PRKACB: variants seen among roughly 807,000 people sequenced by gnomAD.
PRKACB encodes protein kinase cAMP-activated catalytic subunit beta, also known as cAMP-dependent protein kinase catalytic subunit beta.
PRKACB carries 16 observed loss-of-function variants against 51.4 expected under a neutral mutation model. The observed-to-expected ratio is 0.31, with a 90% CI of 0.21 to 0.47. PRKACB has a LOEUF of 0.47. Among genes scored for constraint, PRKACB ranks in the 20% least tolerant of loss-of-function variants. The pLI, the probability that PRKACB is intolerant of heterozygous loss-of-function variation, is 1.00. For missense variants in PRKACB, 309 were observed against 464.5 expected (o/e 0.67, Z 3.08); for synonymous variants, 147 against 154.4 (o/e 0.95, Z 0.35).
At chr1:84,219,490 C>T (rs551028381) in intron 9 of PRKACB, among the ~76,000 whole-genome samples, 30 of 152,014 alleles carry the variant, frequency 2.0e-4, no homozygotes, top group African/African-American at 6.3e-4. Context: ...GGATTACAGG[C>T]GTGAGCCACC....
chr1:84,103,664 C>T (rs1460423859), intron 1 of PRKACB, among the ~76,000 whole-genome samples: 1 of 152,140 alleles, frequency 6.6e-6, no homozygotes, highest in African/African-American at 2.4e-5. Flanking sequence ...ATGAACAGTT[C>T]CTACTGTGTG....
At chr1:84,214,492 A>ATTTT (rs200259148) in intron 9 of PRKACB, among the ~76,000 whole-genome samples, 175 bp downstream of exon 9, 27 of 136,748 alleles carry the variant, frequency 2.0e-4, no homozygotes, top group African/African-American at 6.4e-4. Context: ...TCCCCCTAGA[A>ATTTT]TTTTTTTTTT....
chr1:84,155,452 C>T (rs975170047), intron 1 of PRKACB, among the ~76,000 whole-genome samples: 3 of 152,100 alleles, frequency 2.0e-5, no homozygotes, highest in African/African-American at 7.2e-5. Context: ...CCAAAGCGAT[C>T]TACAGATTAA....
At chr1:84,182,760 A>G (rs988240696) in intron 3 of PRKACB, among the ~76,000 whole-genome samples, 1 of 140,926 alleles carries the variant, frequency 7.1e-6, no homozygotes, top group Non-Finnish European at 1.6e-5. Flanking sequence ...GTCATTTTAT[A>G]TAAGGGACTT....
chr1:84,187,232 G>C (rs1665397952), intron 5 of PRKACB, among the ~76,000 whole-genome samples: 1 of 152,084 alleles, frequency 6.6e-6, no homozygotes. Flanking sequence ...TATTGTCGAT[G>C]TTGTGACTAG....
At chr1:84,134,603 T>C (rs1391538784) in intron 1 of PRKACB, among the ~76,000 whole-genome samples, 1 of 147,986 alleles carries the variant, frequency 6.8e-6, no homozygotes, top group Non-Finnish European at 1.5e-5. Context: ...ATAAGTGAAA[T>C]GTTAAGAGAT....
upstream of PRKACB, among the ~76,000 whole-genome samples, chr1:84,139,720 A>G (rs1489827021): frequency 2.0e-5 from 3 of 152,216 alleles, no homozygotes; most frequent in Non-Finnish European, 2.9e-5. Flanking sequence ...CTTAAAATTT[A>G]TATGGAAAGG....
chr1:84,079,177 G>C (rs1647329653), intron 1 of PRKACB, among the ~76,000 whole-genome samples: 2 of 151,958 alleles, frequency 1.3e-5, no homozygotes, highest in Non-Finnish European at 1.5e-5. Context: ...GTGTGTGCAT[G>C]TATACACATG....
chr1:84,163,039 A>G (rs575481340), intron 1 of PRKACB, among the ~76,000 whole-genome samples: 2 of 148,434 alleles, frequency 1.3e-5, no homozygotes, highest in East Asian at 3.9e-4. Flanking sequence ...TTCTTATTCT[A>G]ATTTTTATTT....
At chr1:84,180,123 T>G (rs977057612) in intron 2 of PRKACB, among the ~76,000 whole-genome samples, 7 of 133,506 alleles carry the variant, frequency 5.2e-5, no homozygotes, top group African/African-American at 1.9e-4. Flanking sequence ...CAATTCACAA[T>G]TGCAAAATAG....
chr1:84,192,987 T>TA (rs1454939698), intron 5 of PRKACB, among the ~76,000 whole-genome samples: 2 of 152,088 alleles, frequency 1.3e-5, no homozygotes, highest in South Asian at 2.1e-4. Context: ...AGTATGTCCT[T>TA]ACCAGGAAGA....
chr1:84,234,869 C>G (rs988983945), intron 9 of PRKACB, among the ~76,000 whole-genome samples: 1 of 152,156 alleles, frequency 6.6e-6, no homozygotes, highest in African/African-American at 2.4e-5. Flanking sequence ...AGAAATCACC[C>G]GTCTTCTGTG....
chr1:84,117,731 T>G (rs1271012673), intron 1 of PRKACB, among the ~76,000 whole-genome samples: 1 of 152,216 alleles, frequency 6.6e-6, no homozygotes, highest in African/African-American at 2.4e-5. Flanking sequence ...TGTTTGTCTT[T>G]TCAAAGAACT....
At chr1:84,140,519 C>T (rs1653299065), upstream of PRKACB, among the ~76,000 whole-genome samples, 1 of 152,190 alleles carries the variant, frequency 6.6e-6, no homozygotes, top group Admixed American at 6.5e-5. Context: ...GGAGCACATA[C>T]ATCATTTACA....
intron 1 of PRKACB, among the ~76,000 whole-genome samples, chr1:84,146,502 G>C (rs978005559): frequency 6.6e-6 from 1 of 151,868 alleles, no homozygotes; most frequent in African/African-American, 2.4e-5. Context: ...TTATTTATTT[G>C]GCGAATGAGT....
chr1:84,178,990 A>C, intron 1 of PRKACB, 187 bp from the exon 2 acceptor site: 2 of 534,602 alleles, frequency 3.7e-6, no homozygotes, highest in Non-Finnish European at 5.8e-6. Context: ...AGAGAATCTT[A>C]GAGATTTGAG....
At chr1:84,194,076 A>G (rs1457677071) in intron 5 of PRKACB, among the ~76,000 whole-genome samples, 2 of 152,164 alleles carry the variant, frequency 1.3e-5, no homozygotes, top group Non-Finnish European at 2.9e-5. Flanking sequence ...GCTTCTGCTT[A>G]TCTTTGAGAA....
At chr1:84,193,994 G>A (rs928063764) in intron 5 of PRKACB, among the ~76,000 whole-genome samples, 3 of 152,124 alleles carry the variant, frequency 2.0e-5, no homozygotes, top group African/African-American at 7.2e-5. Flanking sequence ...CCTAAGCCAA[G>A]ATTCATTTAT....
chr1:84,078,225 C>T (rs1299707832), exon 1 of PRKACB: 1 of 1,373,694 alleles, frequency 7.3e-7, no homozygotes, highest in East Asian at 2.5e-5. Flanking sequence ...ACTCACCGCT[C>T]TGACGGGTGC....
Sources: gnomAD v4.1 joint callset for allele counts (sites outside exome capture counted in the v4.1 genomes callset) on GRCh38, gnomAD v4.1.1 for gene constraint, MANE v1.5 for transcripts, NCBI Gene and HGNC (gene_info 2026-07-23, HGNC 2026-07-21) for gene names.